SAMD4A: variants seen among roughly 807,000 people sequenced by gnomAD.
The protein encoded by SAMD4A is sterile alpha motif domain containing 4A.
In SAMD4A, 33 loss-of-function variants were observed where a neutral mutation model predicts 81.3. The observed-to-expected ratio is 0.41, with a 90% CI of 0.31 to 0.54. SAMD4A has a LOEUF of 0.54. SAMD4A is among the 20% of genes least tolerant of loss of function. The pLI, the probability that SAMD4A is intolerant of heterozygous loss-of-function variation, is 0.37. For missense variants in SAMD4A, 854 were observed against 951.1 expected (o/e 0.90, Z 1.34); for synonymous variants, 389 against 382.1 (o/e 1.02, Z -0.21).
At chr14:54,722,105 T>C (rs1015181630) in intron 3 of SAMD4A, among the ~76,000 whole-genome samples, 13 of 152,362 alleles carry the variant, frequency 8.5e-5, no homozygotes, top group Middle Eastern at 3.4e-3. Context: ...AATAAGTCTT[T>C]CATGGCGACT....
rs367928141 is a variant in SAMD4A at position 54,625,971 on chromosome 14, T to C, written c.196+57859T>C. The stretch of plus-strand genomic sequence containing the variant: ...TGTTTAGCTCCTGACCGAGGCTTGG[T>C]GTTGACTGTGGGACATACTTACAGA... On this transcript the variant is annotated intron_variant, in intron 2 of 12. Transcript: ENST00000554335. Among the ~76,000 whole-genome samples the C allele has an allele frequency of 4.6e-5, 7 of 151,896 alleles. No individual in the cohort carries two copies. The East Asian group carries it at 1.4e-3, about 30-fold the overall frequency.
chr14:54,643,208 T>A (rs577336401), intron 2 of SAMD4A, among the ~76,000 whole-genome samples: 2 of 152,172 alleles, frequency 1.3e-5, no homozygotes, highest in Non-Finnish European at 2.9e-5. Context: ...ACATCTAGGT[T>A]TGAAAAAGAA....
intron 3 of SAMD4A, among the ~76,000 whole-genome samples, chr14:54,733,762 G>A (rs139260017): frequency 6.6e-6 from 1 of 151,970 alleles, no homozygotes; most frequent in Admixed American, 6.5e-5. Context: ...ACATGCTGGG[G>A]CAGCTAGCAC....
At chr14:54,662,282 G>T (rs1158787383) in intron 2 of SAMD4A, among the ~76,000 whole-genome samples, 1 of 152,224 alleles carries the variant, frequency 6.6e-6, no homozygotes, top group Non-Finnish European at 1.5e-5. Flanking sequence ...GAGACTTGAA[G>T]GGATAGAGGT....
chr14:54,770,256 T>G (rs746063944), intron 9 of SAMD4A, 34 bp downstream of exon 9: 2 of 1,426,644 alleles, frequency 1.4e-6, no homozygotes, highest in South Asian at 2.3e-5. Flanking sequence ...TAATGCGTAG[T>G]GGTTCCCCTG....
At chr14:54,608,985 T>C (rs931379432) in intron 2 of SAMD4A, among the ~76,000 whole-genome samples, 1 of 152,234 alleles carries the variant, frequency 6.6e-6, no homozygotes, top group Non-Finnish European at 1.5e-5. Flanking sequence ...ATGTTTTTTC[T>C]TGAAAATTAA....
At chr14:54,750,627 G>A (rs2038079517) in intron 5 of SAMD4A, among the ~76,000 whole-genome samples, 2 of 152,130 alleles carry the variant, frequency 1.3e-5, no homozygotes, top group African/African-American at 2.4e-5. Flanking sequence ...AAGACAAGCT[G>A]CAAACTAACA....
intron 2 of SAMD4A, chr14:54,688,170 T>G (rs1292467593): frequency 6.1e-6 from 6 of 985,288 alleles, no homozygotes; most frequent in Non-Finnish European, 7.2e-6. Flanking sequence ...ACCCCTAAAC[T>G]CAGCAAAATA....
intron 2 of SAMD4A, among the ~76,000 whole-genome samples, chr14:54,630,739 T>A (rs2034875202): frequency 6.6e-6 from 1 of 151,670 alleles, no homozygotes; most frequent in South Asian, 2.1e-4. Context: ...CTATGGTGAG[T>A]TTTCTAACAG....
rs1027552461 is a variant in SAMD4A at position 54,576,038 on chromosome 14, T to G, written c.196+7926T>G. On this transcript the variant is annotated intron_variant, in intron 2 of 12. Transcript: ENST00000554335. The stretch of plus-strand genomic sequence containing the variant: ...TTTTTTTTTTTTTTTTTTTTTTTTT[T>G]GCTGATGCTATGGGCTGTAAAGTTG... Among the ~76,000 whole-genome samples the G allele has an allele frequency of 1.3e-4, 11 of 87,004 alleles. No individual in the cohort carries two copies. In the South Asian group the frequency reaches 3.7e-3, roughly 29 times the overall value. 57.1% of individuals were successfully genotyped at this position (87,004 alleles called of 152,430 possible).
rs568413848 is a variant in SAMD4A at position 54,607,497 on chromosome 14, C to A, written c.196+39385C>A. 1.7e-4 allele frequency among the ~76,000 whole-genome samples: 26 copies of A among 151,312 alleles called. 1 individual carries two copies. The South Asian group carries it at 5.2e-3, about 31-fold the overall frequency. Reference sequence around the variant, plus strand: ...TTTAGACGGAGTCTTGCTCTGTCGCCCAGGCTGGAGTGCAGTGGCACGATC... The same window carrying A: ...TTTAGACGGAGTCTTGCTCTGTCGCACAGGCTGGAGTGCAGTGGCACGATC... On this transcript the variant is annotated intron_variant, in intron 2 of 12. Transcript: ENST00000554335.
chr14:54,623,647 A>T (rs2034676235), intron 2 of SAMD4A, among the ~76,000 whole-genome samples: 1 of 142,918 alleles, frequency 7.0e-6, no homozygotes, highest in Non-Finnish European at 1.5e-5. Flanking sequence ...GGACAAGGAT[A>T]TGCCTAATTT....
intron 2 of SAMD4A, among the ~76,000 whole-genome samples, chr14:54,584,968 A>G (rs1269081432): frequency 1.3e-5 from 2 of 152,338 alleles, no homozygotes; most frequent in East Asian, 1.9e-4. Context: ...AAAAAGAAAA[A>G]GTTACATAAA....
At chr14:54,757,672 G>A (rs1049009957) in intron 6 of SAMD4A, among the ~76,000 whole-genome samples, 3 of 152,138 alleles carry the variant, frequency 2.0e-5, no homozygotes, top group Non-Finnish European at 2.9e-5. Context: ...GCATGGCAGG[G>A]ATACATGTGA....
chr14:54,692,878 C>CCT (rs1026495951), intron 2 of SAMD4A: 3 of 141,876 alleles, frequency 2.1e-5, no homozygotes, highest in African/African-American at 7.8e-5. Flanking sequence ...CACTTAGTGC[C>CCT]CCCCCCCGCA....
intron 2 of SAMD4A, among the ~76,000 whole-genome samples, chr14:54,593,745 A>G (rs2033842937): frequency 6.6e-6 from 1 of 152,156 alleles, no homozygotes; most frequent in Non-Finnish European, 1.5e-5. Flanking sequence ...TTAAATGTAT[A>G]TTTTGATAAG....
intron 2 of SAMD4A, among the ~76,000 whole-genome samples, chr14:54,576,547 A>G (rs775601938): frequency 1.3e-5 from 2 of 152,238 alleles, no homozygotes; most frequent in Non-Finnish European, 2.9e-5. Flanking sequence ...CTATGAGCGT[A>G]TGGATGAAGA....
At chr14:54,624,669 A>T (rs2034703101) in intron 2 of SAMD4A, among the ~76,000 whole-genome samples, 2 of 152,244 alleles carry the variant, frequency 1.3e-5, no homozygotes, top group Admixed American at 1.3e-4. Context: ...TTGGCAAGAA[A>T]GCAAATAGTT....
At chr14:54,671,481 A>C (rs190461130) in intron 2 of SAMD4A, among the ~76,000 whole-genome samples, 1 of 152,208 alleles carries the variant, frequency 6.6e-6, no homozygotes, top group Non-Finnish European at 1.5e-5. Context: ...AGTTTGTCAA[A>C]GGACAGGTAT....
Sources: allele counts gnomAD v4.1 joint callset (sites outside exome capture counted in the v4.1 genomes callset), GRCh38; gene constraint gnomAD v4.1.1; transcripts MANE v1.5; gene names NCBI Gene and HGNC (gene_info 2026-07-23, HGNC 2026-07-21).